ACOXL: variants seen among roughly 807,000 people sequenced by gnomAD.
ACOXL encodes acyl-CoA oxidase like, also known as acyl-coenzyme A oxidase-like protein.
ACOXL carries 70 observed loss-of-function variants against 71.9 expected under a neutral mutation model. That is an observed-to-expected ratio of 0.97 (90% CI 0.80 to 1.19). ACOXL has a LOEUF of 1.19. ACOXL is among the 50% of genes most tolerant of loss of function. The pLI, the probability that ACOXL is intolerant of heterozygous loss-of-function variation, is 0.00. For missense variants in ACOXL, 703 were observed against 736.3 expected (o/e 0.95, Z 0.52); for synonymous variants, 253 against 281.6 (o/e 0.90, Z 1.02).
At chr2:110,845,621 A>G (rs1691736729) in intron 10 of ACOXL, among the ~76,000 whole-genome samples, 1 of 152,008 alleles carries the variant, frequency 6.6e-6, no homozygotes, top group Non-Finnish European at 1.5e-5. Context: ...GACAACCACC[A>G]TTTTACTTTT....
intron 2 of ACOXL, among the ~76,000 whole-genome samples, chr2:110,777,796 G>A (rs145062980): frequency 1.3e-5 from 2 of 152,346 alleles, no homozygotes; most frequent in Non-Finnish European, 2.9e-5. Context: ...CTGTGTGTAT[G>A]TGGGGTTGAG....
At chr2:111,084,308 CAA>C (rs1491105715) in intron 16 of ACOXL, among the ~76,000 whole-genome samples, 21 of 132,434 alleles carry the variant, frequency 1.6e-4, no homozygotes, top group South Asian at 7.3e-4. Flanking sequence ...CACACACACA[CAA>C]GAAGTGGAAG....
In ACOXL at chr2:110,995,888, T is replaced by G; in HGVS notation, c.1170-5T>G. The G allele has an allele frequency of 6.2e-7, 1 of 1,611,368 alleles. No homozygotes were observed. Among genetic ancestry groups the G allele is most frequent in the Non-Finnish European group, 8.5e-7 (1 of 1,177,566 alleles). On this transcript the variant is annotated splice_polypyrimidine_tract_variant and splice_region_variant and intron_variant, in intron 13 of 17. Coordinates refer to ENST00000439055, the MANE Select transcript of ACOXL (RefSeq NM_001142807.4). ...ATAATGATGGTCACCGTGATTTTCTTTCAGTTTCCTGGCATTTAACATGGA... is the reference window on the plus strand; with the variant it reads ...ATAATGATGGTCACCGTGATTTTCTGTCAGTTTCCTGGCATTTAACATGGA...
rs1685577369 is a variant in ACOXL, at chr2:110,798,696, C to T, written c.432C>T (p.Ala144=). The stretch of plus-strand genomic sequence containing the variant: ...ACGGGAATTATGCAGCTGTCTTTGC[C>T]CAGCTCATCATAGATGGAAGATCTC... ...AMYGNYAAVF[A]QLIIDGRSQG... Residue 144 remains alanine (A), a synonymous_variant, in exon 6 of 18, where the codon GCC becomes GCT. Transcript: ENST00000439055. 1 of 1,613,850 alleles carries T rather than the reference C, an allele frequency of 6.2e-7. No homozygotes were observed. The highest frequency in any genetic ancestry group is 1.1e-5 in the South Asian group (1 of 91,070).
chr2:110,937,530 G>A (rs1440981221), intron 12 of ACOXL, among the ~76,000 whole-genome samples: 2 of 152,054 alleles, frequency 1.3e-5, no homozygotes, highest in African/African-American at 4.8e-5. Context: ...CAATCCACTT[G>A]ACACCTAGCA....
chr2:110,998,189 T>G lies in ACOXL; in HGVS notation c.1281+2185T>G, dbSNP rs149002299. On this transcript the variant is annotated intron_variant, in intron 14 of 17. Transcript: ENST00000439055. Reference sequence around the variant, plus strand: ...AAGACAAAGTAAAAACATACTGAATTTCTTACATTAATTACAGGGTAAGCA... The same window carrying G: ...AAGACAAAGTAAAAACATACTGAATGTCTTACATTAATTACAGGGTAAGCA... Among the ~76,000 whole-genome samples the G allele has an allele frequency of 3.2e-3, 483 of 152,324 alleles. 2 individuals carry two copies. Among genetic ancestry groups the G allele is most frequent in the African/African-American group, 0.011 (461 of 41,568 alleles).
rs1574393625 is a variant in ACOXL at position 110,986,570 on chromosome 2, G to A, written c.1060-538G>A. 2.0e-5 allele frequency among the ~76,000 whole-genome samples: 3 copies of A among 152,326 alleles called. No individual in the cohort carries two copies. The Middle Eastern group carries it at 0.01, about 518-fold the overall frequency. On this transcript the variant is annotated intron_variant, in intron 12 of 17. Transcript: ENST00000439055. ...GTTGCTAACCATCAGCTGAGTTTCT[G>A]CAGCGGGCTAGCCATGGACATCTTC...
Position 110,794,131 on chromosome 2 carries a change from C to G in ACOXL, c.302C>G (p.Ala101Gly). 6.2e-7 allele frequency: 1 copy of G among 1,614,148 alleles called. No homozygotes were observed. The highest frequency in any genetic ancestry group is 8.5e-7 in the Non-Finnish European group (1 of 1,180,014). ...AMTERGHGSN[A>G]RGIQTEATFD... ...ACCGAGAGGGGCCATGGGAGCAACG[C>G]GAGAGGGATCCAGACCGAAGCCACC... The change falls in exon 5 of 18, where the codon GCG becomes GGG. Residue 101 changes from alanine (A) to glycine (G), a missense_variant. Ala to Gly is a moderately conservative substitution (Grantham distance 60). Transcript: ENST00000439055.
At chr2:110,860,009 C>T (rs186289069) in intron 10 of ACOXL, among the ~76,000 whole-genome samples, 1 of 152,348 alleles carries the variant, frequency 6.6e-6, no homozygotes, top group Admixed American at 6.5e-5. Context: ...CTTTCCCTTC[C>T]TGCTTCCTAT....
chr2:111,099,783 G>A (rs2069019079), intron 17 of ACOXL: 3 of 152,178 alleles, frequency 2.0e-5, no homozygotes, highest in Non-Finnish European at 4.4e-5. Flanking sequence ...ATAATTATCA[G>A]CATTAGTGAG....
At chr2:110,781,329 T>C (rs1387047353) in intron 2 of ACOXL, among the ~76,000 whole-genome samples, 2 of 152,072 alleles carry the variant, frequency 1.3e-5, no homozygotes, top group African/African-American at 4.8e-5. Flanking sequence ...CACAAGAGTC[T>C]GGTGAAGAGA....
intron 9 of ACOXL, among the ~76,000 whole-genome samples, chr2:110,831,126 T>A (rs1476713598): frequency 2.6e-5 from 4 of 151,890 alleles, no homozygotes; most frequent in Admixed American, 2.6e-4. Context: ...GTTCTGGGGG[T>A]ACTAGCCAGG....
At chr2:110,810,005 T>G (rs1687117434) in intron 9 of ACOXL, among the ~76,000 whole-genome samples, 1 of 152,168 alleles carries the variant, frequency 6.6e-6, no homozygotes, top group South Asian at 2.1e-4. Context: ...GTCTGGCTCC[T>G]GGTCATCCGG....
intron 15 of ACOXL, among the ~76,000 whole-genome samples, chr2:111,044,293 G>A (rs778014224): frequency 6.6e-6 from 1 of 152,242 alleles, no homozygotes; most frequent in Non-Finnish European, 1.5e-5. Flanking sequence ...GGTCTAGAGT[G>A]GACACGGCAG....
chr2:110,837,296 C>T (rs1039419053), intron 9 of ACOXL, among the ~76,000 whole-genome samples: 6 of 152,168 alleles, frequency 3.9e-5, no homozygotes, highest in African/African-American at 7.2e-5. Context: ...TTCAAAAGAT[C>T]GGATTCCCAG....
At chr2:110,918,488 C>T (rs554885346) in intron 11 of ACOXL, among the ~76,000 whole-genome samples, 1 of 152,244 alleles carries the variant, frequency 6.6e-6, no homozygotes, top group African/African-American at 2.4e-5. Context: ...AGGACATAGG[C>T]ACAGGCAAAG....
At chr2:111,009,692 C>A (rs1484633929) in intron 14 of ACOXL, among the ~76,000 whole-genome samples, 1 of 151,976 alleles carries the variant, frequency 6.6e-6, no homozygotes, top group Non-Finnish European at 1.5e-5. Context: ...GGATAAGATG[C>A]CAAAGAGCTC....
chr2:111,048,865 G>C (rs2066149211), intron 15 of ACOXL, among the ~76,000 whole-genome samples: 1 of 152,254 alleles, frequency 6.6e-6, no homozygotes, highest in South Asian at 2.1e-4. Flanking sequence ...TACAAAGGCA[G>C]GTGGAGTCTT....
intron 16 of ACOXL, among the ~76,000 whole-genome samples, chr2:111,054,620 C>T (rs957038910): frequency 5.3e-5 from 8 of 152,318 alleles, no homozygotes; most frequent in African/African-American, 1.7e-4. Flanking sequence ...TGCACAGAGA[C>T]GCCTGGGAGC....
Sources: allele counts gnomAD v4.1 joint callset (sites outside exome capture counted in the v4.1 genomes callset), GRCh38; gene constraint gnomAD v4.1.1; transcripts MANE v1.5; gene names NCBI Gene and HGNC (gene_info 2026-07-23, HGNC 2026-07-21).